Variants in HDX observed in about 807,000 individuals in gnomAD.
The protein encoded by HDX is highly divergent homeobox, also known as chromosome X open reading frame 43.
In HDX, 19 loss-of-function variants were observed where a neutral mutation model predicts 45.2. The ratio of observed to expected loss-of-function variants is 0.42; its 90% confidence interval spans 0.29 to 0.62. The LOEUF (loss-of-function observed/expected upper bound fraction) is 0.62. Among genes scored for constraint, HDX ranks in the 20% least tolerant of loss-of-function variants. The pLI is 0.20. For missense variants in HDX, 532 were observed against 493.9 expected (o/e 1.08, Z -0.73); for synonymous variants, 188 against 172.8 (o/e 1.09, Z -0.69).
chrX:84,447,772 C>A (rs1243205545), intron 4 of HDX, among the ~76,000 whole-genome samples: 1 of 111,793 alleles, frequency 8.9e-6, no homozygotes, highest in Non-Finnish European at 1.9e-5. Flanking sequence ...GGCTGAAGCA[C>A]AACCCATTGG....
intron 2 of HDX, among the ~76,000 whole-genome samples, chrX:84,478,036 A>G (rs774240011): frequency 2.2e-4 from 25 of 112,175 alleles, no homozygotes; most frequent in Non-Finnish European, 3.6e-4. Flanking sequence ...ATCCATTACC[A>G]AGTCTGTAAA....
intron 5 of HDX, among the ~76,000 whole-genome samples, chrX:84,418,798 G>C (rs1288289509): frequency 1.8e-5 from 2 of 111,028 alleles, no homozygotes; most frequent in Non-Finnish European, 3.8e-5. Context: ...TGAAACAAAA[G>C]CTGGCACAGC....
chrX:84,496,037 A>G (rs1432929959), intron 1 of HDX, among the ~76,000 whole-genome samples: 3 of 111,756 alleles, frequency 2.7e-5, no homozygotes, highest in Non-Finnish European at 5.6e-5. Context: ...CTCTGTTGAA[A>G]AGTCAAGTAA....
chrX:84,485,516 G>T (rs1031052833), intron 2 of HDX, among the ~76,000 whole-genome samples: 1 of 111,530 alleles, frequency 9.0e-6, no homozygotes. Context: ...CAATTCTCAT[G>T]CCTCCTGAGT....
chrX:84,379,548 T>G (rs2038138554), intron 5 of HDX, among the ~76,000 whole-genome samples: 1 of 111,202 alleles, frequency 9.0e-6, no homozygotes, highest in African/African-American at 3.3e-5. Flanking sequence ...TGACCACAAA[T>G]GAATAAAACT....
chrX:84,440,080 C>T (rs1199301838), intron 5 of HDX: 1 of 111,508 alleles, frequency 9.0e-6, no homozygotes, highest in African/African-American at 3.3e-5. Flanking sequence ...TTAAAAATTA[C>T]AACAGTTGTA....
rs139715591 is a variant in HDX at position 84,352,247 on chromosome X, G to A, written c.1453-7790C>T. On this transcript the variant is annotated intron_variant, in intron 6 of 10. Coordinates refer to ENST00000373177, the MANE Select transcript of HDX (RefSeq NM_001177479.2). ...AGACGAATTCTTCTTTATATTTGATGGGGGGAATTTTCCCTTCAAGTTTAT... is the reference window on the plus strand; with the variant it reads ...AGACGAATTCTTCTTTATATTTGATAGGGGGAATTTTCCCTTCAAGTTTAT... 4.3e-3 allele frequency among the ~76,000 whole-genome samples: 480 copies of A among 111,909 alleles called. 4 individuals are homozygous for A. Among genetic ancestry groups the A allele is most frequent in the African/African-American group, 0.015 (459 of 30,894 alleles).
chrX:84,341,202 A>C (rs1232975944), intron 7 of HDX, among the ~76,000 whole-genome samples: 1 of 110,687 alleles, frequency 9.0e-6, no homozygotes, highest in Non-Finnish European at 1.9e-5. Flanking sequence ...CAGGCTCTAA[A>C]ACACCAGTCA....
At chrX:84,376,755 T>C (rs763819192) in intron 5 of HDX, among the ~76,000 whole-genome samples, 4 of 112,311 alleles carry the variant, frequency 3.6e-5, no homozygotes, top group Non-Finnish European at 7.5e-5. Flanking sequence ...ATTTATTGAC[T>C]AAAGTTATTG....
At chrX:84,497,006 G>C (rs1323648274) in intron 1 of HDX, among the ~76,000 whole-genome samples, 4 of 110,889 alleles carry the variant, frequency 3.6e-5, no homozygotes, top group Non-Finnish European at 7.6e-5. Context: ...CCCCCATGCT[G>C]TTCTCATGAT....
At position 84,370,020 on chromosome X, in the gene HDX, G is replaced by A. The variant is rs1190470630; in HGVS notation, c.1306-8408C>T. On this transcript the variant is annotated intron_variant, in intron 5 of 10. Coordinates refer to ENST00000373177, the MANE Select transcript of HDX (RefSeq NM_001177479.2). Reference sequence around the variant, plus strand: ...GTGTTGTGAAGATGTTTCTGAATTAGATTAACATATAAATCAGTAGACTGA... The same window carrying A: ...GTGTTGTGAAGATGTTTCTGAATTAAATTAACATATAAATCAGTAGACTGA... 1.8e-5 allele frequency among the ~76,000 whole-genome samples: 2 copies of A among 112,049 alleles called. 1 individual carries two copies. The highest frequency in any genetic ancestry group is 3.8e-5 in the Non-Finnish European group (2 of 53,281).
chrX:84,457,867 G>T (rs2040147279), intron 4 of HDX, among the ~76,000 whole-genome samples: 1 of 111,789 alleles, frequency 8.9e-6, no homozygotes, highest in Non-Finnish European at 1.9e-5. Flanking sequence ...ACATGCTAAC[G>T]TTTTGTTTCT....
intron 4 of HDX, among the ~76,000 whole-genome samples, chrX:84,457,146 G>A (rs1485000991): frequency 9.1e-6 from 1 of 109,877 alleles, no homozygotes; most frequent in Non-Finnish European, 1.9e-5. Context: ...CTTTTTTTTT[G>A]GCTATTTTAA....
chrX:84,362,561 G>A (rs1374435474), intron 5 of HDX, among the ~76,000 whole-genome samples: 1 of 110,133 alleles, frequency 9.1e-6, no homozygotes, highest in Non-Finnish European at 1.9e-5. Context: ...TGATGAAATA[G>A]GGAGAGAAAA....
intron 5 of HDX, among the ~76,000 whole-genome samples, chrX:84,365,102 T>C (rs772341826): frequency 1.8e-5 from 2 of 111,350 alleles, no homozygotes; most frequent in Non-Finnish European, 3.8e-5. Context: ...CTGATTTCTT[T>C]TTTTTTCAAT....
intron 5 of HDX, among the ~76,000 whole-genome samples, chrX:84,407,435 C>T (rs1041397856): frequency 4.5e-5 from 5 of 111,141 alleles, no homozygotes; most frequent in Non-Finnish European, 3.8e-5. Context: ...GTAAATGTTC[C>T]ACATTTTCTT....
chrX:84,499,221 A>C, intron 1 of HDX, among the ~76,000 whole-genome samples: 1 of 111,750 alleles, frequency 8.9e-6, no homozygotes, highest in African/African-American at 3.2e-5. Flanking sequence ...TACTTGTAAA[A>C]TAAGGGGATT....
chrX:84,411,996 T>C (rs190249690), intron 5 of HDX, among the ~76,000 whole-genome samples: 2 of 111,712 alleles, frequency 1.8e-5, no homozygotes, highest in East Asian at 5.6e-4. Flanking sequence ...CCCACTTTTT[T>C]CTGTTTTCCA....
At chrX:84,411,338 C>A (rs2038981488) in intron 5 of HDX, among the ~76,000 whole-genome samples, 1 of 111,195 alleles carries the variant, frequency 9.0e-6, no homozygotes, top group African/African-American at 3.3e-5. Flanking sequence ...TAGCTGTGAC[C>A]CAGGAATTCT....
Sources: allele counts gnomAD v4.1 joint callset (sites outside exome capture counted in the v4.1 genomes callset), GRCh38; gene constraint gnomAD v4.1.1; transcripts MANE v1.5; gene names NCBI Gene and HGNC (gene_info 2026-07-23, HGNC 2026-07-21).